POU2F1: variants seen among roughly 807,000 people sequenced by gnomAD.
POU2F1 encodes POU class 2 homeobox 1, also known as POU domain, class 2, transcription factor 1.
A neutral mutation model predicts 84.9 loss-of-function variants in POU2F1; 16 were observed. That is an observed-to-expected ratio of 0.19 (90% CI 0.13 to 0.29). The LOEUF (loss-of-function observed/expected upper bound fraction) is 0.29. Among genes scored for constraint, POU2F1 ranks in the 10% least tolerant of loss-of-function variants. POU2F1 has a pLI of 1.00. For missense variants in POU2F1, 738 were observed against 942.6 expected, an observed-to-expected ratio of 0.78 and a Z score of 2.84; for synonymous variants, 368 against 368.3, an observed-to-expected ratio of 1.00 and a Z score of 0.01.
intron 5 of POU2F1, 139 bp from the exon 6 acceptor site, chr1:167,373,969 T>A: frequency 1.4e-6 from 1 of 731,722 alleles, no homozygotes; most frequent in South Asian, 1.6e-5. Flanking sequence ...CTGATGAACA[T>A]TTTAGCTGTC....
At chr1:167,375,060 A>G (rs1023553150) in intron 6 of POU2F1, among the ~76,000 whole-genome samples, 1 of 152,150 alleles carries the variant, frequency 6.6e-6, no homozygotes, top group African/African-American at 2.4e-5. Context: ...AGCATACACA[A>G]TAGTACCAAG....
chr1:167,425,517 CAA>C lies in POU2F1; in HGVS notation c.*9709_*9710del, dbSNP rs2101973338. On this transcript the variant is annotated 3_prime_UTR_variant, in exon 16 of 16. Transcript: ENST00000367866. The stretch of plus-strand genomic sequence containing the variant: ...ACAAACTTGTGAGCATGCCCTGAAA[CAA>C]ATTGGCATTTCAGATTTTCCAAAAC... 6.6e-6 allele frequency: 1 copy of C among 152,512 alleles called. No homozygotes were observed. The highest frequency in any genetic ancestry group is 6.5e-5 in the Admixed American group (1 of 15,302). The allele number at this position is 152,512 out of a possible 1,614,324, so 9.4% of individuals were successfully genotyped here.
At position 167,373,414 on chromosome 1, in the gene POU2F1, TG is replaced by T. The variant is rs1367176143; in HGVS notation, c.403-691del. On this transcript the variant is annotated intron_variant, in intron 5 of 15. Coordinates refer to ENST00000367866, the MANE Select transcript of POU2F1 (RefSeq NM_002697.4). ...AGTGTCTACAATAGTAAGAGGGAGT[TG>T]GGATTCTAGGTTCCTTTGGCTGGAG... 5.3e-5 allele frequency among the ~76,000 whole-genome samples: 8 copies of T among 152,328 alleles called. No individual in the cohort carries two copies. The Middle Eastern group carries it at 0.01, about 194-fold the overall frequency.
Position 167,220,956 on chromosome 1 carries a change from C to G in POU2F1, c.59C>G (p.Ala20Gly). Residue 20 changes from alanine to glycine, a missense_variant and splice_region_variant, in exon 1 of 16, where the codon GCA becomes GGA. Around this residue, in one of 4 missense-constraint regions of POU2F1, gnomAD observed 161 missense variants for 147.0 expected, o/e 1.10. Transcript: ENST00000367866. ...DESSAAAAAA[A>G]DSRMNNPSET... ...AGTTCAGCCGCGGCGGCAGCAGCAG[C>G]AGGTAATCATTACAGCATTTTACAT... is the stretch of plus-strand genomic sequence containing the variant. The G allele has an allele frequency of 6.5e-7, 1 of 1,534,898 alleles. No individual in the cohort carries two copies. The highest frequency in any genetic ancestry group is 8.7e-7 in the Non-Finnish European group (1 of 1,146,460).
chr1:167,306,239 G>A (rs1441272541), intron 1 of POU2F1, among the ~76,000 whole-genome samples: 2 of 151,902 alleles, frequency 1.3e-5, no homozygotes, highest in African/African-American at 4.8e-5. Context: ...TGTTATTTGA[G>A]GATTAAAACA....
intron 1 of POU2F1, chr1:167,329,002 A>G (rs1656894012): frequency 9.4e-7 from 1 of 1,062,438 alleles, no homozygotes; most frequent in Admixed American, 5.3e-5. Context: ...TTCATGCTTC[A>G]GTTGCCTTGA....
intron 2 of POU2F1, among the ~76,000 whole-genome samples, chr1:167,353,474 T>C (rs1375372688): frequency 6.6e-6 from 1 of 152,128 alleles, no homozygotes; most frequent in African/African-American, 2.4e-5. Flanking sequence ...TGTTCTTACC[T>C]TTTCAGCATA....
intron 2 of POU2F1, among the ~76,000 whole-genome samples, chr1:167,363,921 G>C (rs181700729): frequency 4.4e-4 from 67 of 152,268 alleles, no homozygotes; most frequent in African/African-American, 1.5e-3. Flanking sequence ...AAACACTGCT[G>C]TAAGGTTCTA....
At chr1:167,410,246 GC>G (rs1649860262) in intron 13 of POU2F1, among the ~76,000 whole-genome samples, 1 of 152,134 alleles carries the variant, frequency 6.6e-6, no homozygotes, top group African/African-American at 2.4e-5. Context: ...TCATTTGGCA[GC>G]CACTTTTGCA....
intron 2 of POU2F1, among the ~76,000 whole-genome samples, chr1:167,349,738 A>G (rs559054626): frequency 1.6e-4 from 24 of 152,314 alleles, no homozygotes; most frequent in African/African-American, 5.5e-4. Flanking sequence ...ATCTTTTGCT[A>G]TGTGATATTC....
chr1:167,411,917 C>A (rs1327134419), intron 13 of POU2F1, 42 bp from the exon 14 acceptor site: 16 of 1,549,596 alleles, frequency 1.0e-5, no homozygotes, highest in Admixed American at 3.6e-5. Flanking sequence ...TCTTCCAAAA[C>A]CATTTACAAA....
At chr1:167,251,474 A>T (rs1194647325) in intron 1 of POU2F1, among the ~76,000 whole-genome samples, 1 of 152,212 alleles carries the variant, frequency 6.6e-6, no homozygotes, top group Non-Finnish European at 1.5e-5. Context: ...AATTAGGCCT[A>T]GTATTTGTCA....
At chr1:167,251,309 GGATT>G (rs757614843) in intron 1 of POU2F1, among the ~76,000 whole-genome samples, 30 of 152,134 alleles carry the variant, frequency 2.0e-4, no homozygotes, top group Non-Finnish European at 3.1e-4. Flanking sequence ...TGAGGTGGGA[GGATT>G]GATTGAGCCC....
intron 2 of POU2F1, among the ~76,000 whole-genome samples, chr1:167,340,436 T>TC (rs891261322): frequency 1.4e-5 from 2 of 144,016 alleles, no homozygotes; most frequent in African/African-American, 5.2e-5. Context: ...TTTTTCTTTT[T>TC]TTTTTTTTTT....
chr1:167,228,094 C>T (rs544752467), intron 1 of POU2F1, among the ~76,000 whole-genome samples: 4 of 152,226 alleles, frequency 2.6e-5, no homozygotes, highest in East Asian at 3.9e-4. Flanking sequence ...ACTTTTAAAC[C>T]GAGCTTTAAA....
At chr1:167,295,330 G>A (rs895151276) in intron 1 of POU2F1, among the ~76,000 whole-genome samples, 11 of 152,130 alleles carry the variant, frequency 7.2e-5, no homozygotes, top group Non-Finnish European at 1.2e-4. Flanking sequence ...TGTATACACC[G>A]TGGAATACTA....
chr1:167,253,672 C>T (rs1476062564), intron 1 of POU2F1, among the ~76,000 whole-genome samples: 3 of 152,048 alleles, frequency 2.0e-5, no homozygotes, highest in Non-Finnish European at 4.4e-5. Flanking sequence ...AGTGATCCGC[C>T]GGCCTTGACC....
At chr1:167,276,105 G>GAA (rs1652710233) in intron 1 of POU2F1, among the ~76,000 whole-genome samples, 1 of 152,132 alleles carries the variant, frequency 6.6e-6, no homozygotes, top group East Asian at 1.9e-4. Flanking sequence ...ATATTAAACG[G>GAA]AAAATCCAAG....
rs137979186 is a variant in POU2F1, at chr1:167,256,138, T to G, written c.61+35180T>G. Reference sequence around the variant, plus strand: ...GCTGTAGGAGAAAGATTCTTTGTGCTTAAACCTAGGGGCTGATGAAGGATG... The same window carrying G: ...GCTGTAGGAGAAAGATTCTTTGTGCGTAAACCTAGGGGCTGATGAAGGATG... On this transcript the variant is annotated intron_variant, in intron 1 of 15. Transcript: ENST00000367866. 1.8e-4 allele frequency among the ~76,000 whole-genome samples: 27 copies of G among 152,320 alleles called. No homozygotes were observed. In the East Asian group the frequency reaches 4.8e-3, roughly 27 times the overall value.
Sources: allele counts gnomAD v4.1 joint callset (sites outside exome capture counted in the v4.1 genomes callset), GRCh38; gene constraint gnomAD v4.1.1; regional missense constraint gnomAD v4.1.1; transcripts MANE v1.5; gene names NCBI Gene and HGNC (gene_info 2026-07-23, HGNC 2026-07-21).